The following MET variants were observed in gnomAD, a reference collection of about 807,000 sequenced individuals.
The protein encoded by MET is hepatocyte growth factor receptor.
In MET, 48 loss-of-function variants were observed where a neutral mutation model predicts 133.1. That is an observed-to-expected ratio of 0.36 (90% CI 0.29 to 0.46). The LOEUF (loss-of-function observed/expected upper bound fraction) is 0.46, where lower values mean the gene tolerates loss of function less well. Among genes scored for constraint, MET ranks in the 20% least tolerant of loss-of-function variants. The pLI is 1.00. For missense variants in MET, 1,442 were observed against 1,695.9 expected, an observed-to-expected ratio of 0.85 and a Z score of 2.63; for synonymous variants, 628 against 616.5, an observed-to-expected ratio of 1.02 and a Z score of -0.28.
chr7:116,686,778 A>G (rs1310173093), intron 1 of MET, among the ~76,000 whole-genome samples: 1 of 152,166 alleles, frequency 6.6e-6, no homozygotes, highest in Admixed American at 6.5e-5. Context: ...AACCCAGCCC[A>G]CCTGGCCTCT....
intron 6 of MET, 28 bp from the exon 7 acceptor site, chr7:116,757,409 T>A (rs914198197): frequency 6.3e-7 from 1 of 1,575,392 alleles, no homozygotes; most frequent in Non-Finnish European, 8.7e-7. Context: ...GGATTTGTCA[T>A]GTATTAAACT....
chr7:116,737,658 C>T (rs891730580), intron 3 of MET, among the ~76,000 whole-genome samples: 2 of 152,108 alleles, frequency 1.3e-5, no homozygotes, highest in African/African-American at 4.8e-5. Flanking sequence ...ATTTAAAGCA[C>T]TTGGCACAAT....
rs1317895159 is a variant in MET, at chr7:116,796,949, G to A, written c.*825G>A. The A allele has an allele frequency of 5.6e-6, 1 of 179,250 alleles. No individual in the cohort carries two copies. Among genetic ancestry groups the A allele is most frequent in the Non-Finnish European group, 1.2e-5 (1 of 83,404 alleles). 11.1% of individuals were successfully genotyped at this position (179,250 alleles called of 1,614,324 possible). On this transcript the variant is annotated 3_prime_UTR_variant, in exon 21 of 21. Coordinates refer to ENST00000397752, the MANE Select transcript of MET (RefSeq NM_000245.4). ...AAATTTTTGTATAGACATTCCTTTG[G>A]TTGGAAGAATATTTATAGGCAATAC...
intron 3 of MET, among the ~76,000 whole-genome samples, chr7:116,734,632 A>G (rs1182444042): frequency 6.6e-6 from 1 of 152,216 alleles, no homozygotes; most frequent in Non-Finnish European, 1.5e-5. Context: ...GAGCCATGTC[A>G]ATGTAGATGA....
At position 116,796,421 on chromosome 7, in the gene MET, A is replaced by T. The variant is rs1795680695; in HGVS notation, c.*297A>T. On this transcript the variant is annotated 3_prime_UTR_variant, in exon 21 of 21. Coordinates refer to ENST00000397752, the MANE Select transcript of MET (RefSeq NM_000245.4). ...TTTTTTAAAAATCAGGTACCACTTG[A>T]TTTCATATGGGAAATTGAAGCAGGA... 2 of 473,936 alleles carry T rather than the reference A, an allele frequency of 4.2e-6. No homozygotes were observed. The highest frequency in any genetic ancestry group is 3.8e-5 in the African/African-American group (2 of 52,014). 29.4% of individuals were successfully genotyped at this position (473,936 alleles called of 1,614,324 possible).
chr7:116,746,543 A>G (rs1441360849), intron 5 of MET, among the ~76,000 whole-genome samples: 1 of 152,236 alleles, frequency 6.6e-6, no homozygotes, highest in Non-Finnish European at 1.5e-5. Context: ...ATGTCCAACA[A>G]TGATAGACTG....
At chr7:116,713,638 G>A (rs1318112013) in intron 2 of MET, among the ~76,000 whole-genome samples, 1 of 152,084 alleles carries the variant, frequency 6.6e-6, no homozygotes, top group African/African-American at 2.4e-5. Context: ...CTGATCAACA[G>A]GTCCTATCAG....
At chr7:116,734,905 G>A (rs960173052) in intron 3 of MET, among the ~76,000 whole-genome samples, 2 of 152,122 alleles carry the variant, frequency 1.3e-5, no homozygotes, top group East Asian at 1.9e-4. Flanking sequence ...TGAGCGCCTC[G>A]TCTAATCTAC....
intron 11 of MET, among the ~76,000 whole-genome samples, chr7:116,769,277 C>T (rs1794747900): frequency 6.6e-6 from 1 of 152,158 alleles, no homozygotes; most frequent in Non-Finnish European, 1.5e-5. Flanking sequence ...TTAGATAGTG[C>T]AACAACTGAA....
intron 2 of MET, among the ~76,000 whole-genome samples, chr7:116,717,565 A>G (rs1210116420): frequency 2.0e-5 from 3 of 152,246 alleles, no homozygotes; most frequent in Admixed American, 2.0e-4. Context: ...TAGAATTTCT[A>G]CAAAGAATGA....
At chr7:116,783,630 T>C (rs1795219445) in intron 19 of MET, among the ~76,000 whole-genome samples, 161 bp downstream of exon 19, 1 of 152,224 alleles carries the variant, frequency 6.6e-6, no homozygotes, top group Non-Finnish European at 1.5e-5. Context: ...ACATTGTATA[T>C]TTTCATAAAT....
At chr7:116,678,706 C>T (rs1024091351) in intron 1 of MET, among the ~76,000 whole-genome samples, 4 of 151,770 alleles carry the variant, frequency 2.6e-5, no homozygotes, top group Admixed American at 2.0e-4. Flanking sequence ...TAGGTTTTGG[C>T]TTTGCTTGGG....
chr7:116,775,787 T>G (rs1162325910), intron 15 of MET, among the ~76,000 whole-genome samples: 2 of 152,200 alleles, frequency 1.3e-5, no homozygotes, highest in Admixed American at 1.3e-4. Context: ...CCAGTCTTTC[T>G]TTACCCTGAG....
Position 116,797,111 on chromosome 7 carries a change from CTGTT to C in MET, c.*990_*993del, listed in dbSNP as rs995008616. The C allele has an allele frequency of 6.6e-5, 13 of 196,040 alleles. No homozygotes were observed. The highest frequency in any genetic ancestry group is 1.8e-4 in the African/African-American group (8 of 43,286). 12.1% of individuals were successfully genotyped at this position (196,040 alleles called of 1,614,324 possible). A position where few individuals can be genotyped will look rare whatever the true frequency, so the allele number is the denominator to read the frequency against. On this transcript the variant is annotated 3_prime_UTR_variant, in exon 21 of 21. Transcript: ENST00000397752. ...TATTTAGTTGTCATATAAAAACCCA[CTGTT>C]TGAGAATGATGCTACTCTGATCTAA...
chr7:116,739,105 C>CG (rs1173453804), intron 3 of MET, among the ~76,000 whole-genome samples: 1 of 152,138 alleles, frequency 6.6e-6, no homozygotes, highest in Non-Finnish European at 1.5e-5. Flanking sequence ...TCTGAGAACT[C>CG]CAACACCCTC....
At chr7:116,726,162 T>TACACACACACATGC (rs1792767733) in intron 2 of MET, among the ~76,000 whole-genome samples, 1 of 122,562 alleles carries the variant, frequency 8.2e-6, no homozygotes, top group African/African-American at 3.1e-5. Flanking sequence ...TATATATATA[T>TACACACACACATGC]ATATATATAT....
chr7:116,702,058 A>C (rs1791598570), intron 2 of MET, among the ~76,000 whole-genome samples: 3 of 152,164 alleles, frequency 2.0e-5, no homozygotes, highest in Admixed American at 2.0e-4. Flanking sequence ...TTCTCAAAAC[A>C]CATCTGAATT....
intron 2 of MET, among the ~76,000 whole-genome samples, chr7:116,711,302 C>G (rs970337794): frequency 4.6e-5 from 7 of 152,228 alleles, no homozygotes; most frequent in African/African-American, 1.7e-4. Flanking sequence ...ATAGTTTACA[C>G]AACCTTGCTC....
At position 116,755,408 on chromosome 7, in the gene MET, C is replaced by T. The variant is rs2116909433; in HGVS notation, c.1755C>T (p.Gly585=). The stretch of plus-strand genomic sequence containing the variant: ...GAGGGACAAGGCTGACCATATGTGG[C>T]TGGGACTTTGGATTTCGGAGGAATA... ...LEGGTRLTIC[G]WDFGFRRNNK... Residue 585 remains glycine, a synonymous_variant, in exon 6 of 21, where the codon GGC becomes GGT. Transcript: ENST00000397752. 1 of 1,614,050 alleles carries T rather than the reference C, an allele frequency of 6.2e-7. No homozygotes were observed. The highest frequency in any genetic ancestry group is 8.5e-7 in the Non-Finnish European group (1 of 1,179,998).
Sources: allele counts gnomAD v4.1 joint callset (sites outside exome capture counted in the v4.1 genomes callset), GRCh38; gene constraint gnomAD v4.1.1; transcripts MANE v1.5; gene names NCBI Gene and HGNC (gene_info 2026-07-23, HGNC 2026-07-21).